The following COX10 variants were observed in gnomAD, a reference collection of about 807,000 sequenced individuals.
The protein encoded by COX10 is cytochrome c oxidase assembly factor heme A:farnesyltransferase COX10.
A neutral mutation model predicts 37.3 loss-of-function variants in COX10; 27 were observed. The observed-to-expected ratio is 0.72, with a 90% CI of 0.53 to 1.00. The LOEUF is 1.00. Ranked by LOEUF, COX10 falls within the 50% of genes least tolerant of loss-of-function variation. COX10 has a pLI of 0.00. For missense variants in COX10, 475 were observed against 563.2 expected (o/e 0.84, Z 1.59); for synonymous variants, 222 against 229.1 (o/e 0.97, Z 0.28).
At chr17:14,190,460 C>A (rs1229978467) in intron 5 of COX10, among the ~76,000 whole-genome samples, 1 of 152,188 alleles carries the variant, frequency 6.6e-6, no homozygotes, top group Non-Finnish European at 1.5e-5. Context: ...AATGTGCACT[C>A]AGAAGTCTCT....
Position 14,206,952 on chromosome 17 carries a change from G to T in COX10, c.1071G>T (p.Ala357=), listed in dbSNP as rs770198211. ...VTHPGLCRRV[A]LRHCLALLVL... ...ACCCGGGCCTGTGCCGGCGCGTGGC[G>T]CTGCGCCACTGCCTGGCCCTGCTCG... is the stretch of plus-strand genomic sequence containing the variant. The change falls in exon 7 of 7, where the codon GCG becomes GCT. Residue 357 remains alanine, a synonymous_variant. Transcript: ENST00000261643. The T allele has an allele frequency of 6.2e-7, 1 of 1,613,870 alleles. No individual in the cohort carries two copies.
intron 4 of COX10, among the ~76,000 whole-genome samples, chr17:14,150,557 A>G (rs959473408): frequency 1.3e-5 from 2 of 152,160 alleles, no homozygotes; most frequent in Non-Finnish European, 2.9e-5. Context: ...CATTGGAATT[A>G]ATGTCCAGCC....
At chr17:14,195,815 G>A (rs965404529) in intron 6 of COX10, among the ~76,000 whole-genome samples, 2 of 152,172 alleles carry the variant, frequency 1.3e-5, no homozygotes, top group African/African-American at 4.8e-5. Flanking sequence ...AGTTGCTGCT[G>A]ATGCCCCTGG....
intron 3 of COX10, among the ~76,000 whole-genome samples, chr17:14,083,071 A>G (rs528126234): frequency 1.3e-5 from 2 of 152,344 alleles, no homozygotes; most frequent in Admixed American, 1.3e-4. Context: ...GGACCACAGA[A>G]GAGAGGCATG....
intron 3 of COX10, among the ~76,000 whole-genome samples, chr17:14,087,030 A>G (rs1915424137): frequency 6.6e-6 from 1 of 151,846 alleles, no homozygotes; most frequent in African/African-American, 2.4e-5. Flanking sequence ...TCCTTAACCT[A>G]CTTTGTTTCA....
chr17:14,188,878 C>T (rs1906117216), intron 5 of COX10, among the ~76,000 whole-genome samples: 1 of 147,754 alleles, frequency 6.8e-6, no homozygotes, highest in African/African-American at 2.5e-5. Flanking sequence ...TGTTATTGTT[C>T]TTTAGCCTTC....
chr17:14,146,196 A>C (rs145183166), intron 4 of COX10, among the ~76,000 whole-genome samples: 7 of 152,154 alleles, frequency 4.6e-5, no homozygotes, highest in Non-Finnish European at 8.8e-5. Flanking sequence ...TAGAGGAATC[A>C]CATTACCTGA....
intron 5 of COX10, among the ~76,000 whole-genome samples, chr17:14,186,251 T>A (rs546208915): frequency 2.6e-5 from 4 of 152,152 alleles, no homozygotes; most frequent in African/African-American, 9.6e-5. Flanking sequence ...TCACTGAGTC[T>A]GCATTTGCCC....
At chr17:14,074,012 A>G (rs1392091077) in intron 1 of COX10, among the ~76,000 whole-genome samples, 1 of 152,116 alleles carries the variant, frequency 6.6e-6, no homozygotes, top group African/African-American at 2.4e-5. Flanking sequence ...AATTGACTGA[A>G]CGGGTTGTTT....
chr17:14,084,332 G>GA (rs1218719331), intron 3 of COX10, among the ~76,000 whole-genome samples: 2 of 151,746 alleles, frequency 1.3e-5, no homozygotes, highest in South Asian at 2.1e-4. Flanking sequence ...TTTATTTTTA[G>GA]AAAAAATAGA....
At chr17:14,119,532 A>G (rs1916185668) in intron 4 of COX10, among the ~76,000 whole-genome samples, 1 of 152,230 alleles carries the variant, frequency 6.6e-6, no homozygotes, top group African/African-American at 2.4e-5. Flanking sequence ...TTATTTAAAA[A>G]TTATAAAATT....
chr17:14,152,816 C>G (rs2142234502), intron 4 of COX10, among the ~76,000 whole-genome samples: 1 of 152,324 alleles, frequency 6.6e-6, no homozygotes, highest in Middle Eastern at 3.4e-3. Flanking sequence ...AGCACACATA[C>G]TTGGCCCAGG....
At chr17:14,102,762 T>A (rs1425760676) in intron 4 of COX10, among the ~76,000 whole-genome samples, 1 of 152,162 alleles carries the variant, frequency 6.6e-6, no homozygotes, top group Non-Finnish European at 1.5e-5. Flanking sequence ...CATCCCCCCC[T>A]ATTATTTTAA....
chr17:14,158,809 T>C (rs1567604251), intron 4 of COX10, among the ~76,000 whole-genome samples: 1 of 152,100 alleles, frequency 6.6e-6, no homozygotes, highest in African/African-American at 2.4e-5. Flanking sequence ...GGAACATAGC[T>C]GGGGAAGTAC....
chr17:14,201,897 G>C (rs1399625847), intron 6 of COX10, among the ~76,000 whole-genome samples: 4 of 152,136 alleles, frequency 2.6e-5, no homozygotes, highest in African/African-American at 9.7e-5. Flanking sequence ...CCTCTTACCA[G>C]TCACTTTAAA....
At chr17:14,129,712 T>C (rs1916422711) in intron 4 of COX10, among the ~76,000 whole-genome samples, 1 of 152,216 alleles carries the variant, frequency 6.6e-6, no homozygotes, top group Non-Finnish European at 1.5e-5. Context: ...GACGTGAAGA[T>C]GCAGGCTGTT....
chr17:14,114,226 CATT>C (rs1916064605), intron 4 of COX10, among the ~76,000 whole-genome samples: 1 of 152,098 alleles, frequency 6.6e-6, no homozygotes, highest in East Asian at 1.9e-4. Flanking sequence ...CTCTAGATAT[CATT>C]ATTATTTTGC....
At chr17:14,158,429 C>T (rs981578655) in intron 4 of COX10, among the ~76,000 whole-genome samples, 3 of 150,552 alleles carry the variant, frequency 2.0e-5, no homozygotes, top group Non-Finnish European at 4.4e-5. Context: ...GTAAATCATA[C>T]TAGATGACTT....
At chr17:14,179,690 T>G (rs1185362784) in intron 5 of COX10, among the ~76,000 whole-genome samples, 1 of 152,092 alleles carries the variant, frequency 6.6e-6, no homozygotes, top group Non-Finnish European at 1.5e-5. Flanking sequence ...TTCAGAGACA[T>G]CTGTATTTTG....
Sources: allele counts gnomAD v4.1 joint callset (sites outside exome capture counted in the v4.1 genomes callset), GRCh38; gene constraint gnomAD v4.1.1; transcripts MANE v1.5; gene names NCBI Gene and HGNC (gene_info 2026-07-23, HGNC 2026-07-21).